The following DPP6 variants were observed in gnomAD, a reference collection of about 807,000 sequenced individuals.
The protein encoded by DPP6 is A-type potassium channel modulatory protein DPP6.
In DPP6, 69 loss-of-function variants were observed where a neutral mutation model predicts 122.6. The ratio of observed to expected loss-of-function variants is 0.56; its 90% CI spans 0.46 to 0.69. DPP6 has a LOEUF of 0.69. Ranked by LOEUF, DPP6 falls within the 30% of genes least tolerant of loss-of-function variation. The pLI, the probability that DPP6 is intolerant of heterozygous loss-of-function variation, is 0.00. For missense variants in DPP6, 928 were observed against 1,116.9 expected, an observed-to-expected ratio of 0.83 and a Z score of 2.41; for synonymous variants, 418 against 433.1, an observed-to-expected ratio of 0.97 and a Z score of 0.43.
In DPP6 at chr7:154,834,530, C is replaced by T. The variant is rs76607973; in HGVS notation, c.1667-19250C>T. Among the ~76,000 whole-genome samples, 1,288 of 152,194 alleles carry T rather than the reference C, an allele frequency of 8.5e-3. 21 individuals are homozygous for T. The highest frequency in any genetic ancestry group is 0.029 in the African/African-American group (1,206 of 41,520). The stretch of plus-strand genomic sequence containing the variant: ...AAAAAAAACCAGCTCCCATTTATTT[C>T]GCTCTAATAATGGCCAAGAACTGCA... On this transcript the variant is annotated intron_variant, in intron 16 of 25. Transcript: ENST00000377770.
intron 1 of DPP6, among the ~76,000 whole-genome samples, chr7:154,016,629 G>A (rs1197647946): frequency 5.3e-5 from 8 of 152,148 alleles, no homozygotes; most frequent in Non-Finnish European, 8.8e-5. Context: ...TTAGCTGGGT[G>A]TGCAGATATA....
chr7:154,674,042 A>C (rs2131129493), intron 7 of DPP6, among the ~76,000 whole-genome samples: 1 of 152,108 alleles, frequency 6.6e-6, no homozygotes, highest in East Asian at 1.9e-4. Context: ...TACGTGGCTA[A>C]TTTTTGTGTT....
the DPP6 span, among the ~76,000 whole-genome samples, chr7:153,862,773 C>T: frequency 6.6e-6 from 1 of 151,916 alleles, no homozygotes; most frequent in African/African-American, 2.4e-5. Context: ...CATTTTAATA[C>T]ATTGAAATAT....
chr7:153,962,018 C>G (rs1563052321), intron 1 of DPP6, among the ~76,000 whole-genome samples: 1 of 148,506 alleles, frequency 6.7e-6, no homozygotes, highest in Non-Finnish European at 1.5e-5. Context: ...ACTGTGGGAG[C>G]ACAGACTACA....
chr7:154,647,886 C>T (rs1157769948), intron 6 of DPP6, among the ~76,000 whole-genome samples: 1 of 151,982 alleles, frequency 6.6e-6, no homozygotes, highest in African/African-American at 2.4e-5. Flanking sequence ...GAGAAAGGCC[C>T]ATGGGTGTCT....
intron 1 of DPP6, among the ~76,000 whole-genome samples, chr7:154,265,882 A>G (rs1803388267): frequency 6.6e-6 from 1 of 152,176 alleles, no homozygotes; most frequent in Admixed American, 6.5e-5. Context: ...TTAACTAGCA[A>G]AAGATCAGAC....
chr7:153,958,959 T>C (rs1795208602), intron 1 of DPP6, among the ~76,000 whole-genome samples: 2 of 152,024 alleles, frequency 1.3e-5, no homozygotes, highest in African/African-American at 2.4e-5. Flanking sequence ...TAATAATCTT[T>C]ACCTGCTTGG....
intron 1 of DPP6, among the ~76,000 whole-genome samples, chr7:154,190,191 G>A (rs981437007): frequency 1.3e-5 from 2 of 152,142 alleles, no homozygotes; most frequent in Admixed American, 6.5e-5. Flanking sequence ...TATACTAGGT[G>A]CATGACTAAC....
In DPP6 at chr7:154,694,138, G is replaced by A. The variant is rs369226573; in HGVS notation, c.762+24697G>A. Among the ~76,000 whole-genome samples, 48 of 152,278 alleles carry A rather than the reference G, an allele frequency of 3.2e-4. 2 individuals carry two copies. In the East Asian group the frequency reaches 5.2e-3, roughly 17 times the overall value. Reference sequence around the variant, plus strand: ...TCTTCTGTGTCCTCGCTTGGTGGAAGGGACAAGGGACCCCTCTGTGTTGTC... The same window carrying A: ...TCTTCTGTGTCCTCGCTTGGTGGAAAGGACAAGGGACCCCTCTGTGTTGTC... On this transcript the variant is annotated intron_variant, in intron 7 of 25. Coordinates refer to ENST00000377770, the MANE Select transcript of DPP6 (RefSeq NM_130797.4).
rs529663041 is a variant in DPP6, at chr7:154,112,674, G to A, written c.243+59611G>A. Among the ~76,000 whole-genome samples the A allele has an allele frequency of 4.6e-5, 7 of 151,910 alleles. No individual in the cohort carries two copies. In the South Asian group the frequency reaches 1.5e-3, roughly 32 times the overall value. On this transcript the variant is annotated intron_variant, in intron 1 of 25. Transcript: ENST00000377770. ...AAAGAAAAAAAAAAGGAATCTCTCA[G>A]TAGGTACTAAATAAAACAGGGAAAA...
chr7:154,648,374 T>G (rs11243351), intron 6 of DPP6, among the ~76,000 whole-genome samples: 40,684 of 151,894 alleles, frequency 0.27, 5,526 homozygotes, highest in African/African-American at 0.29. Context: ...CTAGTTTATT[T>G]TGTTTTGTTT....
intron 5 of DPP6, among the ~76,000 whole-genome samples, chr7:154,625,421 A>T (rs539279330): frequency 1.3e-4 from 20 of 152,254 alleles, no homozygotes; most frequent in African/African-American, 4.1e-4. Context: ...TTGGTGAAGG[A>T]TAAGTTTAGA....
At chr7:153,777,159 A>G in the DPP6 span, among the ~76,000 whole-genome samples, 2 of 152,222 alleles carry the variant, frequency 1.3e-5, no homozygotes, top group African/African-American at 4.8e-5. Flanking sequence ...CATTATGGAA[A>G]TGCAAAAACT....
chr7:154,801,910 T>C (rs893790179), intron 13 of DPP6, among the ~76,000 whole-genome samples: 8 of 152,214 alleles, frequency 5.3e-5, no homozygotes, highest in Admixed American at 3.9e-4. Context: ...TATTTTATTA[T>C]GTGACCGCTA....
chr7:154,115,838 T>C (rs1806947454), intron 1 of DPP6, among the ~76,000 whole-genome samples: 1 of 152,190 alleles, frequency 6.6e-6, no homozygotes, highest in African/African-American at 2.4e-5. Context: ...CCTGCAGAGC[T>C]GACTAGTTTA....
At chr7:154,747,999 T>A (rs1434422571) in intron 8 of DPP6, among the ~76,000 whole-genome samples, 1 of 152,234 alleles carries the variant, frequency 6.6e-6, no homozygotes, top group Admixed American at 6.5e-5. Context: ...GGGTACAAGC[T>A]GTCAGCTGAC....
At chr7:154,104,609 G>A (rs117429124) in intron 1 of DPP6, among the ~76,000 whole-genome samples, 1,594 of 152,370 alleles carry the variant, frequency 0.01, 25 homozygotes, top group East Asian at 0.033. Context: ...GGGACCCTTC[G>A]GCCCTGGACC....
intron 1 of DPP6, among the ~76,000 whole-genome samples, chr7:154,399,474 A>C (rs1021238628): frequency 6.6e-6 from 1 of 152,234 alleles, no homozygotes. Context: ...ACCTCGCAGA[A>C]TTGTTGGAAA....
intron 2 of DPP6, among the ~76,000 whole-genome samples, chr7:154,471,502 A>G (rs1333071584): frequency 2.0e-5 from 3 of 152,194 alleles, no homozygotes; most frequent in East Asian, 1.9e-4. Flanking sequence ...AACTGGGTTC[A>G]TGGTCAGAAG....
Sources: gnomAD v4.1 joint callset for allele counts (sites outside exome capture counted in the v4.1 genomes callset) on GRCh38, gnomAD v4.1.1 for gene constraint, MANE v1.5 for transcripts, NCBI Gene and HGNC (gene_info 2026-07-23, HGNC 2026-07-21) for gene names.